NPAS3: variants seen among roughly 807,000 people sequenced by gnomAD.
The protein encoded by NPAS3 is neuronal PAS domain protein 3.
A neutral mutation model predicts 73.1 loss-of-function variants in NPAS3; 14 were observed. The observed-to-expected ratio is 0.19, with a 90% confidence interval of 0.13 to 0.30. The LOEUF is 0.30. Ranked by LOEUF, NPAS3 falls within the 10% of genes least tolerant of loss-of-function variation. The pLI, the probability that NPAS3 is intolerant of heterozygous loss-of-function variation, is 1.00. For synonymous variants in NPAS3, 620 were observed against 541.5 expected (o/e 1.14, Z -2.01); for missense variants, 1,096 against 1,250.0 (o/e 0.88, Z 1.86).
At chr14:33,784,760 T>TTA (rs2063114410) in intron 9 of NPAS3, among the ~76,000 whole-genome samples, 1 of 132,270 alleles carries the variant, frequency 7.6e-6, no homozygotes, top group Admixed American at 7.3e-5. Flanking sequence ...TTTTTTTTTT[T>TTA]TTTTTTTGAG....
intron 4 of NPAS3, among the ~76,000 whole-genome samples, chr14:33,557,226 GT>G (rs1343073334): frequency 2.0e-5 from 3 of 152,160 alleles, no homozygotes; most frequent in African/African-American, 7.2e-5. Context: ...ACTGCAGAGG[GT>G]TTGGCAGTTT....
At chr14:33,147,268 A>G (rs1007126493) in intron 2 of NPAS3, among the ~76,000 whole-genome samples, 2 of 152,112 alleles carry the variant, frequency 1.3e-5, no homozygotes, top group African/African-American at 4.8e-5. Flanking sequence ...TCTGATTGGA[A>G]GTTAAGGCTT....
At chr14:33,228,720 TA>T (rs1192346474) in intron 3 of NPAS3, among the ~76,000 whole-genome samples, 1 of 152,064 alleles carries the variant, frequency 6.6e-6, no homozygotes, top group African/African-American at 2.4e-5. Flanking sequence ...TATAAGCCAC[TA>T]GGAGGGAGTG....
At chr14:33,247,571 T>G (rs2048437256) in intron 3 of NPAS3, among the ~76,000 whole-genome samples, 1 of 152,166 alleles carries the variant, frequency 6.6e-6, no homozygotes, top group Non-Finnish European at 1.5e-5. Context: ...TAGGCTTTTC[T>G]TGTAAATTCT....
At chr14:33,403,750 T>A (rs2047544142) in intron 4 of NPAS3, among the ~76,000 whole-genome samples, 1 of 152,118 alleles carries the variant, frequency 6.6e-6, no homozygotes, top group Admixed American at 6.6e-5. Flanking sequence ...CCTTCATGAA[T>A]GAACTATTAT....
intron 2 of NPAS3, among the ~76,000 whole-genome samples, chr14:33,121,149 C>T (rs751061226): frequency 1.3e-5 from 2 of 152,034 alleles, no homozygotes; most frequent in Non-Finnish European, 2.9e-5. Context: ...GCACACTGAC[C>T]CAAAATCATA....
chr14:33,234,812 G>C (rs565685306), intron 3 of NPAS3, among the ~76,000 whole-genome samples: 2 of 152,120 alleles, frequency 1.3e-5, no homozygotes, highest in Non-Finnish European at 2.9e-5. Flanking sequence ...TTGTATCACT[G>C]TTCCTAGATT....
chr14:33,065,419 T>C (rs1350334620), intron 2 of NPAS3, among the ~76,000 whole-genome samples: 1 of 152,142 alleles, frequency 6.6e-6, no homozygotes, highest in Non-Finnish European at 1.5e-5. Flanking sequence ...TAAAAATAAT[T>C]TTATTTACTG....
At chr14:33,764,748 T>TA (rs1489186353) in intron 7 of NPAS3, among the ~76,000 whole-genome samples, 1 of 152,208 alleles carries the variant, frequency 6.6e-6, no homozygotes, top group East Asian at 1.9e-4. Flanking sequence ...GATAGAGGAA[T>TA]AAAAAAGTTC....
At chr14:33,333,950 C>T (rs1478464168) in intron 3 of NPAS3, among the ~76,000 whole-genome samples, 1 of 151,928 alleles carries the variant, frequency 6.6e-6, no homozygotes, top group Non-Finnish European at 1.5e-5. Flanking sequence ...TCAAAATTCT[C>T]CCCTGGAAAA....
intron 5 of NPAS3, among the ~76,000 whole-genome samples, chr14:33,638,544 C>T (rs1435246170): frequency 6.6e-6 from 1 of 152,222 alleles, no homozygotes; most frequent in Non-Finnish European, 1.5e-5. Flanking sequence ...AAATCATATA[C>T]ATTTTGACTG....
intron 1 of NPAS3, among the ~76,000 whole-genome samples, chr14:33,009,394 A>G (rs930756420): frequency 6.6e-6 from 1 of 152,144 alleles, no homozygotes; most frequent in Non-Finnish European, 1.5e-5. Flanking sequence ...GCCTCAATGC[A>G]AAGTTTGGAT....
intron 6 of NPAS3, among the ~76,000 whole-genome samples, chr14:33,678,475 G>A (rs774838356): frequency 1.3e-5 from 2 of 151,952 alleles, no homozygotes; most frequent in African/African-American, 2.4e-5. Flanking sequence ...ATTCAATGGC[G>A]TGTTCCTAAA....
intron 3 of NPAS3, among the ~76,000 whole-genome samples, chr14:33,297,945 G>A (rs75417110): frequency 0.036 from 5,430 of 152,254 alleles, 112 homozygotes; most frequent in Non-Finnish European, 0.054. Flanking sequence ...ACATACTGGA[G>A]ATTTAATCAT....
intron 3 of NPAS3, among the ~76,000 whole-genome samples, chr14:33,344,905 C>G (rs1465672202): frequency 6.6e-6 from 1 of 152,100 alleles, no homozygotes; most frequent in African/African-American, 2.4e-5. Context: ...GTGTGTGGCT[C>G]TGTGGAGTCA....
At chr14:32,998,983 A>G (rs1165863132) in intron 1 of NPAS3, among the ~76,000 whole-genome samples, 1 of 152,170 alleles carries the variant, frequency 6.6e-6, no homozygotes, top group Non-Finnish European at 1.5e-5. Context: ...TGTGTGCTTC[A>G]TCAGGGCTGG....
At chr14:32,979,603 A>G (rs1166145895) in intron 1 of NPAS3, among the ~76,000 whole-genome samples, 1 of 152,220 alleles carries the variant, frequency 6.6e-6, no homozygotes, top group African/African-American at 2.4e-5. Flanking sequence ...TATGTGGGCC[A>G]TGATTGTAGC....
At chr14:33,058,008 T>G (rs1210022783) in intron 2 of NPAS3, among the ~76,000 whole-genome samples, 1 of 152,174 alleles carries the variant, frequency 6.6e-6, no homozygotes, top group East Asian at 1.9e-4. Context: ...GTTTTTGGCT[T>G]CTGTTTATTA....
rs2138692279 is a variant in NPAS3, at chr14:33,800,590, G to A, written c.2283G>A (p.Gly761=). Residue 761 remains glycine (G), a synonymous_variant, in exon 12 of 12, where the codon GGG becomes GGA. Transcript: ENST00000356141. This position sits in a 1 kb window ranked among gnomAD's most constrained non-coding sequence, Gnocchi z 6.5. Reference sequence around the variant, plus strand: ...CGTCCCCGCGGGACAAGCACCCCGGGAACGGCGGCGGGGGCGGGGGCGGGG... The same window carrying A: ...CGTCCCCGCGGGACAAGCACCCCGGAAACGGCGGCGGGGGCGGGGGCGGGG... 2 of 1,302,114 alleles carry A rather than the reference G, an allele frequency of 1.5e-6. No individual in the cohort carries two copies. Among genetic ancestry groups the A allele is most frequent in the East Asian group, 3.2e-5 (1 of 30,828 alleles). 80.7% of individuals were successfully genotyped at this position (1,302,114 alleles called of 1,614,324 possible).
Sources: gnomAD v4.1 joint callset for allele counts (sites outside exome capture counted in the v4.1 genomes callset) on GRCh38, gnomAD v4.1.1 for gene constraint, Gnocchi (gnomAD v3.1) non-coding constraint, MANE v1.5 for transcripts, NCBI Gene and HGNC (gene_info 2026-07-23, HGNC 2026-07-21) for gene names.